Variants in NELL2 observed in about 807,000 individuals in gnomAD.
The protein encoded by NELL2 is neural EGFL like 2.
Under a neutral mutation model 109.6 loss-of-function variants are expected in NELL2, and 41 were observed. That is an observed-to-expected ratio of 0.37 (90% CI 0.29 to 0.49). The LOEUF is 0.49. Among genes scored for constraint, NELL2 ranks in the 20% least tolerant of loss-of-function variants. The probability of loss-of-function intolerance (pLI) is 0.98; values close to 1 mark genes in which losing one functional copy is unlikely to be tolerated. For synonymous variants in NELL2, 355 were observed against 344.7 expected, an observed-to-expected ratio of 1.03 and a Z score of -0.33; for missense variants, 900 against 1,008.3, an observed-to-expected ratio of 0.89 and a Z score of 1.45.
At chr12:44,853,847 A>G (rs1197037458) in intron 2 of NELL2, among the ~76,000 whole-genome samples, 1 of 152,206 alleles carries the variant, frequency 6.6e-6, no homozygotes, top group African/African-American at 2.4e-5. Context: ...TCAGTGAAGG[A>G]CATGTCCTCC....
Position 44,619,374 on chromosome 12 carries a change from G to C in NELL2, c.1445-8404C>G, listed in dbSNP as rs1026582814. On this transcript the variant is annotated intron_variant, in intron 13 of 19. Coordinates refer to ENST00000429094, the MANE Select transcript of NELL2 (RefSeq NM_001145108.2). Reference sequence around the variant, plus strand: ...CAATAAATAGCTGCTTCCAGCTGTAGAAGAAAAGGTGGCGTGAAAAATTGA... The same window carrying C: ...CAATAAATAGCTGCTTCCAGCTGTACAAGAAAAGGTGGCGTGAAAAATTGA... Among the ~76,000 whole-genome samples the C allele has an allele frequency of 2.0e-5, 3 of 152,160 alleles. No homozygotes were observed. In the South Asian group the frequency reaches 6.2e-4, roughly 32 times the overall value.
intron 2 of NELL2, among the ~76,000 whole-genome samples, chr12:44,826,438 C>T (rs1348872634): frequency 6.6e-6 from 1 of 152,100 alleles, no homozygotes; most frequent in African/African-American, 2.4e-5. Context: ...CTCTCCATTG[C>T]TCTTACTCTT....
At position 44,508,294 on chromosome 12, in the gene NELL2, ATATT is replaced by A. The variant is rs1299290458; in HGVS notation, c.*636_*639del. 1 of 152,650 alleles carries A rather than the reference ATATT, an allele frequency of 6.6e-6. No individual in the cohort carries two copies. The highest frequency in any genetic ancestry group is 1.5e-5 in the Non-Finnish European group (1 of 68,042). The allele number at this position is 152,650 out of a possible 1,614,324, so 9.5% of individuals were successfully genotyped here. A position where few individuals can be genotyped will look rare whatever the true frequency, so the allele number is the denominator to read the frequency against. On this transcript the variant is annotated 3_prime_UTR_variant, in exon 20 of 20. Transcript: ENST00000429094. Reference sequence around the variant, plus strand: ...TCACATGTGTTATAAGGTAAGAGAAATATTTATTTAATTTTGCACAAGAACGAGC... The same window carrying A: ...TCACATGTGTTATAAGGTAAGAGAAATATTTAATTTTGCACAAGAACGAGC...
intron 3 of NELL2, among the ~76,000 whole-genome samples, chr12:44,788,426 A>T (rs1942259922): frequency 6.6e-6 from 1 of 152,186 alleles, no homozygotes; most frequent in Non-Finnish European, 1.5e-5. Flanking sequence ...TTGAGGGAGA[A>T]GTTTCCAAAC....
At chr12:44,543,823 C>T (rs532690016) in intron 15 of NELL2, among the ~76,000 whole-genome samples, 81 of 152,244 alleles carry the variant, frequency 5.3e-4, no homozygotes, top group African/African-American at 1.8e-3. Flanking sequence ...GCTGCAACCT[C>T]GAGGATCTTC....
At chr12:44,872,327 G>T (rs754221578) in intron 2 of NELL2, among the ~76,000 whole-genome samples, 2 of 152,050 alleles carry the variant, frequency 1.3e-5, no homozygotes, top group South Asian at 2.1e-4. Flanking sequence ...ATTTATTAAG[G>T]TGTAATCTAA....
At chr12:44,771,342 T>TTG (rs1941541149) in intron 9 of NELL2, among the ~76,000 whole-genome samples, 1 of 143,340 alleles carries the variant, frequency 7.0e-6, no homozygotes, top group Admixed American at 7.0e-5. Context: ...ACAGATGGTT[T>TTG]TTTTAAAAAA....
At chr12:44,906,851 T>C (rs911900726) in intron 1 of NELL2, among the ~76,000 whole-genome samples, 2 of 152,078 alleles carry the variant, frequency 1.3e-5, no homozygotes, top group Non-Finnish European at 2.9e-5. Flanking sequence ...ATAAGAAATA[T>C]GTATCTGGGA....
At chr12:44,913,192 T>G (rs909786792) in intron 1 of NELL2, among the ~76,000 whole-genome samples, 5 of 152,080 alleles carry the variant, frequency 3.3e-5, no homozygotes, top group Non-Finnish European at 7.4e-5. Flanking sequence ...TAGATATAGG[T>G]GAAAATGAGA....
intron 9 of NELL2, among the ~76,000 whole-genome samples, chr12:44,750,105 T>A (rs944767581): frequency 2.6e-5 from 4 of 151,956 alleles, no homozygotes; most frequent in African/African-American, 9.7e-5. Context: ...TCTGCAAAGG[T>A]TGGAACTAGA....
intron 9 of NELL2, among the ~76,000 whole-genome samples, chr12:44,741,537 G>A (rs920711269): frequency 6.6e-6 from 1 of 152,206 alleles, no homozygotes; most frequent in African/African-American, 2.4e-5. Flanking sequence ...AAGGGGTCAG[G>A]GAATTCCCTT....
chr12:44,884,294 A>T (rs1945447160), intron 1 of NELL2, among the ~76,000 whole-genome samples: 1 of 151,980 alleles, frequency 6.6e-6, no homozygotes, highest in Admixed American at 6.5e-5. Flanking sequence ...CTAAGTATAT[A>T]TGCACCTAAC....
intron 3 of NELL2, among the ~76,000 whole-genome samples, chr12:44,793,177 T>G (rs997777216): frequency 1.3e-5 from 2 of 152,118 alleles, no homozygotes; most frequent in African/African-American, 4.8e-5. Flanking sequence ...TGAAGTAAAT[T>G]GATATTTTAA....
intron 13 of NELL2, among the ~76,000 whole-genome samples, chr12:44,630,608 C>T (rs574566378): frequency 6.6e-6 from 1 of 152,264 alleles, no homozygotes; most frequent in African/African-American, 2.4e-5. Context: ...GTGCTTCTTA[C>T]AGGTTTCACC....
chr12:44,825,391 C>CT (rs34266446), intron 2 of NELL2, among the ~76,000 whole-genome samples: 3,320 of 83,682 alleles, frequency 0.04, 61 homozygotes, highest in African/African-American at 0.043. Context: ...TATTCATTTC[C>CT]TTTTTTTTTT....
chr12:44,739,561 AATTAT>A (rs1939830815), intron 9 of NELL2, among the ~76,000 whole-genome samples: 1 of 152,182 alleles, frequency 6.6e-6, no homozygotes, highest in Admixed American at 6.5e-5. Flanking sequence ...TATGATGTAA[AATTAT>A]ATTATAGAAA....
chr12:44,731,252 C>T (rs899742467), intron 9 of NELL2, among the ~76,000 whole-genome samples: 1 of 151,996 alleles, frequency 6.6e-6, no homozygotes, highest in Non-Finnish European at 1.5e-5. Flanking sequence ...ATTTATGAGG[C>T]CAATATTACC....
intron 15 of NELL2, among the ~76,000 whole-genome samples, chr12:44,594,647 A>T (rs1173616080): frequency 6.6e-6 from 1 of 152,166 alleles, no homozygotes; most frequent in African/African-American, 2.4e-5. Flanking sequence ...TCTCCCTCCT[A>T]TTTGCCTGTC....
intron 1 of NELL2, among the ~76,000 whole-genome samples, chr12:44,885,692 A>T (rs140351175): frequency 5.9e-5 from 9 of 152,052 alleles, no homozygotes; most frequent in African/African-American, 1.9e-4. Flanking sequence ...TATTGTTAAG[A>T]TATCAATTAT....
Sources: allele counts gnomAD v4.1 joint callset (sites outside exome capture counted in the v4.1 genomes callset), GRCh38; gene constraint gnomAD v4.1.1; transcripts MANE v1.5; gene names NCBI Gene and HGNC (gene_info 2026-07-23, HGNC 2026-07-21).